MN1: variants seen among roughly 807,000 people sequenced by gnomAD.
MN1 encodes MN1 proto-oncogene, transcriptional regulator.
In MN1, 19 loss-of-function variants were observed where a neutral mutation model predicts 86.9. That is an observed-to-expected ratio of 0.22 (90% CI 0.15 to 0.32). MN1 has a LOEUF of 0.32. Among genes scored for constraint, MN1 ranks in the 10% least tolerant of loss-of-function variants. The pLI is 1.00. For missense variants in MN1, 1,841 were observed against 1,862.0 expected (o/e 0.99, Z 0.21); for synonymous variants, 928 against 849.6 (o/e 1.09, Z -1.60).
chr22:27,796,229 CT>C (rs1933292363), intron 1 of MN1, among the ~76,000 whole-genome samples: 1 of 152,178 alleles, frequency 6.6e-6, no homozygotes, highest in Non-Finnish European at 1.5e-5. Context: ...CTGAGTGATG[CT>C]GCCGACACCA....
At chr22:27,773,752 G>A (rs1451968496) in intron 1 of MN1, among the ~76,000 whole-genome samples, 3 of 152,158 alleles carry the variant, frequency 2.0e-5, no homozygotes, top group Admixed American at 1.3e-4. Context: ...TGCCTCCCGG[G>A]TTCAAGCAGT....
At chr22:27,765,894 T>C (rs1932866055) in intron 1 of MN1, among the ~76,000 whole-genome samples, 1 of 152,102 alleles carries the variant, frequency 6.6e-6, no homozygotes, top group Non-Finnish European at 1.5e-5. Flanking sequence ...AGCTGGTTAA[T>C]TATTTCCATT....
chr22:27,788,920 T>C (rs995567081), intron 1 of MN1, among the ~76,000 whole-genome samples: 2 of 152,176 alleles, frequency 1.3e-5, no homozygotes, highest in African/African-American at 4.8e-5. Context: ...AGGGAAATTT[T>C]TGTCCCAAGT....
In MN1 at chr22:27,755,047, G is replaced by A. The variant is rs530274664; in HGVS notation, c.3782-3951C>T. 2.6e-5 allele frequency among the ~76,000 whole-genome samples: 4 copies of A among 152,268 alleles called. No homozygotes were observed. The South Asian group carries it at 6.2e-4, about 24-fold the overall frequency. On this transcript the variant is annotated intron_variant, in intron 1 of 1. Transcript: ENST00000302326. ...CGCCCTTCATCCCCATTTGACAGAC[G>A]AGAAGACTGAGGCTCTAAGGGGCAG...
At chr22:27,778,981 G>C (rs1297594) in intron 1 of MN1, among the ~76,000 whole-genome samples, 119,162 of 152,090 alleles carry the variant, frequency 0.78, 46,878 homozygotes, top group African/African-American at 0.84. Flanking sequence ...TCCCATACAG[G>C]GGCATCCCTT....
chr22:27,749,267 G>T lies in MN1; in HGVS notation c.*1648C>A, dbSNP rs1232020212. 2 of 231,566 alleles carry T rather than the reference G, an allele frequency of 8.6e-6. No homozygotes were observed. Among genetic ancestry groups the T allele is most frequent in the Non-Finnish European group, 1.7e-5 (2 of 117,068 alleles). The allele number at this position is 231,566 out of a possible 1,614,324, so 14.3% of individuals were successfully genotyped here. ...AAATAAACAACGTGGGTGTTGTATG[G>T]TGAGCCCAGAGCCTTCAGGTCACTT... On this transcript the variant is annotated 3_prime_UTR_variant, in exon 2 of 2. Transcript: ENST00000302326.
intron 1 of MN1, 27 bp downstream of exon 1, chr22:27,796,736 G>C: frequency 6.4e-7 from 1 of 1,555,818 alleles, no homozygotes; most frequent in Non-Finnish European, 8.7e-7. Context: ...CACCCGGGAA[G>C]TGAGAGGAAA....
In MN1 at chr22:27,797,785, G is replaced by T; in HGVS notation, c.2759C>A (p.Pro920His). The T allele has an allele frequency of 6.2e-7, 1 of 1,604,532 alleles. No individual in the cohort carries two copies. Among genetic ancestry groups the T allele is most frequent in the East Asian group, 2.2e-5 (1 of 44,790 alleles). Residue 920 changes from proline (P) to histidine (H), a missense_variant, in exon 1 of 2, where the codon CCC becomes CAC. Coordinates refer to ENST00000302326, the MANE Select transcript of MN1 (RefSeq NM_002430.3). The part of the protein sequence containing the change: ...PAQGDGTSLS[P>H]NYTLESTSGN... ...CGACGTGGATTCCAGGGTGTAGTTGGGGGAGAGGCTGGTGCCGTCCCCCTG... is the reference window on the plus strand; with the variant it reads ...CGACGTGGATTCCAGGGTGTAGTTGTGGGAGAGGCTGGTGCCGTCCCCCTG...
intron 1 of MN1, among the ~76,000 whole-genome samples, chr22:27,755,297 C>A (rs1932794908): frequency 6.6e-6 from 1 of 152,192 alleles, no homozygotes; most frequent in African/African-American, 2.4e-5. Context: ...GAGAGACTGG[C>A]AATACCATGT....
At position 27,750,629 on chromosome 22, in the gene MN1, A is replaced by C. The variant is rs1932755236; in HGVS notation, c.*286T>G. ...AACATGGGGAGTATCTAGAGGAAAA[A>C]GGCTTAAGCAAAAGTTTGCTAACTG... On this transcript the variant is annotated 3_prime_UTR_variant, in exon 2 of 2. Transcript: ENST00000302326. 2 of 298,448 alleles carry C rather than the reference A, an allele frequency of 6.7e-6. No individual in the cohort carries two copies. Among genetic ancestry groups the C allele is most frequent in the South Asian group, 1.6e-4 (1 of 6,320 alleles). The allele number at this position is 298,448 out of a possible 1,614,324, so 18.5% of individuals were successfully genotyped here.
intron 1 of MN1, among the ~76,000 whole-genome samples, chr22:27,793,180 A>G (rs1405753663): frequency 6.6e-6 from 1 of 152,206 alleles, no homozygotes. Flanking sequence ...TGGCAAAGAT[A>G]AACGTATTAC....
intron 1 of MN1, among the ~76,000 whole-genome samples, chr22:27,762,029 G>A (rs990126318): frequency 6.6e-6 from 1 of 152,208 alleles, no homozygotes; most frequent in African/African-American, 2.4e-5. Context: ...GACAGCCGCG[G>A]ACGGCAGGAT....
At chr22:27,761,103 A>G (rs1031513877) in intron 1 of MN1, among the ~76,000 whole-genome samples, 1 of 152,154 alleles carries the variant, frequency 6.6e-6, no homozygotes, top group Non-Finnish European at 1.5e-5. Flanking sequence ...TGCATGAAAA[A>G]GGGAAACATC....
chr22:27,785,865 G>C (rs1401330260), intron 1 of MN1, among the ~76,000 whole-genome samples: 1 of 151,750 alleles, frequency 6.6e-6, no homozygotes, highest in African/African-American at 2.4e-5. Flanking sequence ...TTAAGGGTTA[G>C]ATAAAGACCC....
chr22:27,799,471 T>C lies in MN1; in HGVS notation c.1073A>G (p.Gln358Arg). The change falls in exon 1 of 2, where the codon CAG becomes CGG. Residue 358 changes from glutamine to arginine, a missense_variant. By Grantham distance (43) the Gln-to-Arg change is conservative (BLOSUM62 1). Transcript: ENST00000302326. The part of the protein sequence containing the change: ...PQQQPPQQPP[Q>R]QQPPPPPGLL... ...CCCGGGTGGCGGCGGCGGCTGCTGC[T>C]GTGGCGGCTGCTGCGGGGGCTGCTG... 1 of 1,454,590 alleles carries C rather than the reference T, an allele frequency of 6.9e-7. No homozygotes were observed. The highest frequency in any genetic ancestry group is 1.4e-5 in the African/African-American group (1 of 69,564). The allele number at this position is 1,454,590 out of a possible 1,614,324, so 90.1% of individuals were successfully genotyped here.
chr22:27,791,566 A>C (rs1933211237), intron 1 of MN1, among the ~76,000 whole-genome samples: 1 of 149,218 alleles, frequency 6.7e-6, no homozygotes, highest in African/African-American at 2.5e-5. Flanking sequence ...GCAGCCCCCC[A>C]CCCCCTCCGA....
chr22:27,753,907 A>G (rs1230520921), intron 1 of MN1, among the ~76,000 whole-genome samples: 1 of 152,128 alleles, frequency 6.6e-6, no homozygotes, highest in Non-Finnish European at 1.5e-5. Context: ...GCACTGCAAG[A>G]TCTGGACTGG....
intron 1 of MN1, among the ~76,000 whole-genome samples, chr22:27,784,193 G>T (rs1933090579): frequency 6.6e-6 from 1 of 152,226 alleles, no homozygotes; most frequent in Non-Finnish European, 1.5e-5. Context: ...AGCAGGGGAT[G>T]CACCTAGGGG....
In MN1 at chr22:27,785,223, G is replaced by C. The variant is rs80164006; in HGVS notation, c.3781+11540C>G. On this transcript the variant is annotated intron_variant, in intron 1 of 1. Transcript: ENST00000302326. Reference sequence around the variant, plus strand: ...GCTATTTTCCCATTAAACCAAGTTTGTCTCAATTTGAAAAGCGAGAATAAT... The same window carrying C: ...GCTATTTTCCCATTAAACCAAGTTTCTCTCAATTTGAAAAGCGAGAATAAT... Among the ~76,000 whole-genome samples the C allele has an allele frequency of 8.6e-3, 1,311 of 152,310 alleles. 24 individuals are homozygous for C. Among genetic ancestry groups the C allele is most frequent in the African/African-American group, 0.029 (1,217 of 41,558 alleles).
Sources: gnomAD v4.1 joint callset for allele counts (sites outside exome capture counted in the v4.1 genomes callset) on GRCh38, gnomAD v4.1.1 for gene constraint, MANE v1.5 for transcripts, NCBI Gene and HGNC (gene_info 2026-07-23, HGNC 2026-07-21) for gene names.